Variants in DNM3 observed in about 807,000 individuals in gnomAD.
DNM3 encodes dynamin-3.
A neutral mutation model predicts 101.6 loss-of-function variants in DNM3; 47 were observed. The observed-to-expected ratio is 0.46, with a 90% confidence interval of 0.37 to 0.59. The LOEUF (loss-of-function observed/expected upper bound fraction) is 0.59, where lower values mean the gene tolerates loss of function less well. Ranked by LOEUF, DNM3 falls within the 20% of genes least tolerant of loss-of-function variation. The pLI is 0.00. For missense variants in DNM3, 849 were observed against 1,085.7 expected (o/e 0.78, Z 3.06); for synonymous variants, 385 against 387.9 (o/e 0.99, Z 0.09).
At position 172,107,106 on chromosome 1, in the gene DNM3, C is replaced by G. The variant is rs547371864; in HGVS notation, c.1545+14231C>G. 4.2e-3 allele frequency among the ~76,000 whole-genome samples: 633 copies of G among 150,764 alleles called. 2 individuals are homozygous for G. The highest frequency in any genetic ancestry group is 0.015 in the African/African-American group (608 of 41,032). The stretch of plus-strand genomic sequence containing the variant: ...CGATCTCCTGACCTCATGATCCACC[C>G]GCCTCGGCCTCCCAAAGTGCTGGGA... On this transcript the variant is annotated intron_variant, in intron 13 of 20. Transcript: ENST00000627582.
intron 14 of DNM3, among the ~76,000 whole-genome samples, chr1:172,228,695 A>G (rs1219909614): frequency 6.6e-6 from 1 of 152,108 alleles, no homozygotes; most frequent in East Asian, 1.9e-4. Flanking sequence ...TAGAACTTTA[A>G]ATATTGAGAT....
At chr1:171,862,522 A>G (rs1571296836) in intron 1 of DNM3, among the ~76,000 whole-genome samples, 1 of 152,316 alleles carries the variant, frequency 6.6e-6, no homozygotes, top group Non-Finnish European at 1.5e-5. Context: ...TTCCATTTAT[A>G]TGAAATGTAT....
chr1:172,022,083 T>A (rs577016725), intron 4 of DNM3, among the ~76,000 whole-genome samples: 1 of 152,170 alleles, frequency 6.6e-6, no homozygotes, highest in Admixed American at 6.5e-5. Flanking sequence ...AAAAATTTAG[T>A]GATTAAAAAT....
chr1:172,221,126 G>C (rs577982432), intron 14 of DNM3, among the ~76,000 whole-genome samples: 97 of 152,030 alleles, frequency 6.4e-4, no homozygotes, highest in African/African-American at 2.2e-3. Context: ...CTCAGACGCA[G>C]TATTCAAAGA....
chr1:171,959,228 T>C (rs896124617), intron 2 of DNM3, among the ~76,000 whole-genome samples: 1 of 152,134 alleles, frequency 6.6e-6, no homozygotes, highest in African/African-American at 2.4e-5. Context: ...CTTATATTAG[T>C]GGTGGGTTCA....
At chr1:171,873,440 GA>G (rs780229001) in intron 1 of DNM3, among the ~76,000 whole-genome samples, 9 of 152,272 alleles carry the variant, frequency 5.9e-5, no homozygotes, top group Non-Finnish European at 1.2e-4. Context: ...TCCTGTGCTT[GA>G]GGAACTCAGG....
chr1:171,912,046 T>A (rs533392775), intron 1 of DNM3, among the ~76,000 whole-genome samples: 6 of 152,242 alleles, frequency 3.9e-5, no homozygotes, highest in African/African-American at 1.4e-4. Context: ...GGGAATACAT[T>A]GAAGTTTGCA....
intron 10 of DNM3, among the ~76,000 whole-genome samples, chr1:172,058,616 A>G (rs1488390181): frequency 6.6e-6 from 1 of 152,220 alleles, no homozygotes; most frequent in Non-Finnish European, 1.5e-5. Context: ...AACGAAATGA[A>G]GGCAGAAATA....
intron 13 of DNM3, among the ~76,000 whole-genome samples, chr1:172,102,401 A>G (rs888110357): frequency 6.6e-6 from 1 of 152,292 alleles, no homozygotes; most frequent in African/African-American, 2.4e-5. Flanking sequence ...TCAAATATAC[A>G]GCCTGTTAAT....
chr1:171,999,440 G>C (rs149472292), intron 4 of DNM3, among the ~76,000 whole-genome samples: 120 of 152,236 alleles, frequency 7.9e-4, no homozygotes, highest in Middle Eastern at 3.4e-3. Context: ...CTCTATTTTG[G>C]ATATGTAAAA....
intron 10 of DNM3, among the ~76,000 whole-genome samples, chr1:172,065,032 G>T (rs991986926): frequency 6.6e-6 from 1 of 152,152 alleles, no homozygotes; most frequent in South Asian, 2.1e-4. Flanking sequence ...AGACACACAC[G>T]TGCACACAAA....
At chr1:172,343,732 A>C (rs1488837123) in intron 17 of DNM3, among the ~76,000 whole-genome samples, 2 of 152,214 alleles carry the variant, frequency 1.3e-5, no homozygotes, top group Non-Finnish European at 2.9e-5. Flanking sequence ...AATATTCTGT[A>C]AAATTTTAAG....
intron 14 of DNM3, chr1:172,138,209 T>C (rs1445436736): frequency 1.3e-5 from 2 of 152,056 alleles, no homozygotes; most frequent in African/African-American, 4.8e-5. Flanking sequence ...TAGTTGGAAA[T>C]AGTAGTCTTT....
chr1:171,975,295 A>G (rs2044293446), intron 2 of DNM3, among the ~76,000 whole-genome samples: 1 of 152,192 alleles, frequency 6.6e-6, no homozygotes, highest in African/African-American at 2.4e-5. Context: ...TATATAACCA[A>G]TTGTCATATG....
rs377117513 is a variant in DNM3 at position 172,251,143 on chromosome 1, C to T, written c.1660-2430C>T. 5.9e-5 allele frequency among the ~76,000 whole-genome samples: 9 copies of T among 152,196 alleles called. No homozygotes were observed. In the East Asian group the frequency reaches 1.5e-3, roughly 26 times the overall value. On this transcript the variant is annotated intron_variant, in intron 14 of 20. Transcript: ENST00000627582. ...TGTGGCTAGTGGCTACCATATTGGG[C>T]AGCACATTATTAGGCAGTCATAGAA...
chr1:172,174,213 G>A lies in DNM3; in HGVS notation c.1659+42925G>A, dbSNP rs569629781. Among the ~76,000 whole-genome samples the A allele has an allele frequency of 4.9e-4, 74 of 151,466 alleles. 1 individual carries two copies. The highest frequency in any genetic ancestry group is 1.4e-3 in the Admixed American group (21 of 15,124). ...AATATTTCTTAAAAGTACAGTAGCC[G>A]AACCTGAAACAAATTTGATGGTTGA... is the stretch of plus-strand genomic sequence containing the variant. On this transcript the variant is annotated intron_variant, in intron 14 of 20. Transcript: ENST00000627582.
intron 7 of DNM3, among the ~76,000 whole-genome samples, chr1:172,040,399 T>C (rs1433124388): frequency 6.6e-6 from 1 of 152,160 alleles, no homozygotes; most frequent in Non-Finnish European, 1.5e-5. Flanking sequence ...TTTTCCCTTT[T>C]AGATTTTGAA....
intron 4 of DNM3, among the ~76,000 whole-genome samples, chr1:171,997,132 T>C (rs1368868340): frequency 6.6e-6 from 1 of 152,170 alleles, no homozygotes; most frequent in Non-Finnish European, 1.5e-5. Flanking sequence ...GCTTTGTTAT[T>C]TTATTTGTTG....
chr1:171,919,893 A>C (rs1229938920), intron 1 of DNM3, among the ~76,000 whole-genome samples: 1 of 152,192 alleles, frequency 6.6e-6, no homozygotes, highest in Non-Finnish European at 1.5e-5. Flanking sequence ...ACCCAGCATG[A>C]GTCCATGCCC....
Sources: gnomAD v4.1 joint callset for allele counts (sites outside exome capture counted in the v4.1 genomes callset) on GRCh38, gnomAD v4.1.1 for gene constraint, MANE v1.5 for transcripts, NCBI Gene and HGNC (gene_info 2026-07-23, HGNC 2026-07-21) for gene names.